ERBB4: variants seen among roughly 807,000 people sequenced by gnomAD.
The protein encoded by ERBB4 is erb-b2 receptor tyrosine kinase 4, also known as receptor tyrosine-protein kinase erbB-4.
In ERBB4, 42 loss-of-function variants were observed where a neutral mutation model predicts 158.0. The observed-to-expected ratio is 0.27, with a 90% CI of 0.21 to 0.34. ERBB4 has a LOEUF of 0.34. Among genes scored for constraint, ERBB4 ranks in the 10% least tolerant of loss-of-function variants. The pLI is 1.00. For missense variants in ERBB4, 1,333 were observed against 1,624.1 expected, an observed-to-expected ratio of 0.82 and a Z score of 3.08; for synonymous variants, 583 against 558.7, an observed-to-expected ratio of 1.04 and a Z score of -0.61.
intron 2 of ERBB4, among the ~76,000 whole-genome samples, chr2:212,002,068 C>T (rs1166007115): frequency 6.6e-6 from 1 of 152,148 alleles, no homozygotes; most frequent in Non-Finnish European, 1.5e-5. Flanking sequence ...ATGAAACTTA[C>T]ATGACCAAGA....
intron 1 of ERBB4, among the ~76,000 whole-genome samples, chr2:212,516,364 T>C (rs1414525855): frequency 6.6e-6 from 1 of 152,100 alleles, no homozygotes; most frequent in Admixed American, 6.6e-5. Flanking sequence ...ATAAGAACTC[T>C]AAAGTGATCT....
At chr2:212,373,470 A>G (rs2090155039) in intron 1 of ERBB4, among the ~76,000 whole-genome samples, 1 of 151,972 alleles carries the variant, frequency 6.6e-6, no homozygotes, top group Admixed American at 6.6e-5. Flanking sequence ...TTTCATTATT[A>G]TTGTGTGGTT....
At chr2:211,464,618 C>T (rs960012264) in intron 20 of ERBB4, among the ~76,000 whole-genome samples, 2 of 152,066 alleles carry the variant, frequency 1.3e-5, no homozygotes, top group Non-Finnish European at 2.9e-5. Context: ...CTCACTAATG[C>T]ATGTTCTACA....
intron 1 of ERBB4, among the ~76,000 whole-genome samples, chr2:212,186,580 C>T (rs1181035912): frequency 6.6e-6 from 1 of 152,058 alleles, no homozygotes; most frequent in Non-Finnish European, 1.5e-5. Flanking sequence ...ACCTACCCAC[C>T]CTGGAGCAAA....
chr2:212,411,445 T>C (rs1199382156), intron 1 of ERBB4, among the ~76,000 whole-genome samples: 1 of 152,156 alleles, frequency 6.6e-6, no homozygotes, highest in Non-Finnish European at 1.5e-5. Context: ...TCAATACACG[T>C]AGATAAATAT....
chr2:212,238,482 T>C (rs992424182), intron 1 of ERBB4, among the ~76,000 whole-genome samples: 2 of 128,754 alleles, frequency 1.6e-5, no homozygotes, highest in East Asian at 4.8e-4. Flanking sequence ...CCTTCTGTGT[T>C]GATCTCGCTG....
At chr2:212,127,885 G>A (rs2079991469) in intron 1 of ERBB4, among the ~76,000 whole-genome samples, 1 of 152,128 alleles carries the variant, frequency 6.6e-6, no homozygotes, top group African/African-American at 2.4e-5. Context: ...ATTCTACCTG[G>A]AGTTTCAGAG....
intron 1 of ERBB4, among the ~76,000 whole-genome samples, chr2:212,322,888 A>G (rs1427242616): frequency 6.6e-6 from 1 of 150,396 alleles, no homozygotes; most frequent in Non-Finnish European, 1.5e-5. Flanking sequence ...TATGGTAAAC[A>G]GAACTAATTC....
intron 1 of ERBB4, among the ~76,000 whole-genome samples, chr2:212,526,736 T>C (rs1215414669): frequency 6.6e-6 from 1 of 152,084 alleles, no homozygotes; most frequent in African/African-American, 2.4e-5. Flanking sequence ...TGGCTAGCAA[T>C]GGTATCTATT....
Position 211,640,919 on chromosome 2 carries a change from C to T in ERBB4, c.1947-10325G>A, listed in dbSNP as rs534983811. On this transcript the variant is annotated intron_variant, in intron 16 of 27. Transcript: ENST00000342788. ...CCATGCCTATGGGAATATAATAAGGCCGATGATGCCTTAAAGGGACGTGCA... is the reference window on the plus strand; with the variant it reads ...CCATGCCTATGGGAATATAATAAGGTCGATGATGCCTTAAAGGGACGTGCA... 3.0e-4 allele frequency among the ~76,000 whole-genome samples: 46 copies of T among 152,158 alleles called. No individual in the cohort carries two copies. The South Asian group carries it at 5.4e-3, about 18-fold the overall frequency.
At chr2:212,282,944 C>A (rs566468777) in intron 1 of ERBB4, among the ~76,000 whole-genome samples, 4 of 152,056 alleles carry the variant, frequency 2.6e-5, no homozygotes, top group African/African-American at 4.8e-5. Flanking sequence ...AGTGGGTAGA[C>A]AAACTGCCAA....
intron 3 of ERBB4, among the ~76,000 whole-genome samples, chr2:211,808,968 C>T (rs1437288820): frequency 6.6e-6 from 1 of 152,156 alleles, no homozygotes; most frequent in Non-Finnish European, 1.5e-5. Context: ...GATATTTGCA[C>T]ATTGATTTTG....
intron 1 of ERBB4, among the ~76,000 whole-genome samples, chr2:212,488,199 T>A (rs1690080940): frequency 6.6e-6 from 1 of 152,084 alleles, no homozygotes; most frequent in Admixed American, 6.6e-5. Context: ...ACTCCTTTTA[T>A]CCCTTTGAAT....
At chr2:212,400,304 C>T (rs2091164443) in intron 1 of ERBB4, among the ~76,000 whole-genome samples, 2 of 152,080 alleles carry the variant, frequency 1.3e-5, no homozygotes, top group Non-Finnish European at 2.9e-5. Context: ...ATGCTGTGGC[C>T]TAATGGGGAG....
rs373463620 is a variant in ERBB4 at position 211,851,626 on chromosome 2, T to A, written c.422-63467A>T. On this transcript the variant is annotated intron_variant, in intron 3 of 27. Transcript: ENST00000342788. Reference sequence around the variant, plus strand: ...CTGTAAAACATAACCTTGTGCATCATCAAAAAATAATCATTGTTATAAGGA... The same window carrying A: ...CTGTAAAACATAACCTTGTGCATCAACAAAAAATAATCATTGTTATAAGGA... 6.1e-4 allele frequency among the ~76,000 whole-genome samples: 93 copies of A among 152,044 alleles called. 2 individuals carry two copies. The South Asian group carries it at 0.018, about 30-fold the overall frequency.
intron 1 of ERBB4, among the ~76,000 whole-genome samples, chr2:212,449,903 T>C (rs60588961): frequency 0.038 from 5,837 of 152,250 alleles, 388 homozygotes; most frequent in African/African-American, 0.13. Context: ...TTGAGATATA[T>C]GTAATTTTTG....
At chr2:211,397,989 C>T (rs551788317) in intron 25 of ERBB4, among the ~76,000 whole-genome samples, 1 of 152,286 alleles carries the variant, frequency 6.6e-6, no homozygotes, top group East Asian at 1.9e-4. Context: ...CTACAGAATA[C>T]CACGTCATAC....
chr2:211,738,164 C>G (rs981021459), intron 5 of ERBB4, among the ~76,000 whole-genome samples: 1 of 152,038 alleles, frequency 6.6e-6, no homozygotes, highest in Non-Finnish European at 1.5e-5. Flanking sequence ...GTTCCAAGCT[C>G]ATACTTTCTT....
At chr2:211,910,600 G>A (rs1019320399) in intron 3 of ERBB4, among the ~76,000 whole-genome samples, 3 of 151,846 alleles carry the variant, frequency 2.0e-5, no homozygotes, top group Non-Finnish European at 4.4e-5. Flanking sequence ...AAGATGGAGA[G>A]GGTAAGGAAA....
Sources: allele counts gnomAD v4.1 joint callset (sites outside exome capture counted in the v4.1 genomes callset), GRCh38; gene constraint gnomAD v4.1.1; transcripts MANE v1.5; gene names NCBI Gene and HGNC (gene_info 2026-07-23, HGNC 2026-07-21).